FLRT1: variants seen among roughly 807,000 people sequenced by gnomAD.
The protein encoded by FLRT1 is leucine-rich repeat transmembrane protein FLRT1.
Under a neutral mutation model 30.9 loss-of-function variants are expected in FLRT1, and 14 were observed. The observed-to-expected ratio is 0.45, with a 90% CI of 0.30 to 0.71. The LOEUF is 0.71. FLRT1 is among the 30% of genes least tolerant of loss of function. FLRT1 has a pLI of 0.08. For missense variants in FLRT1, 737 were observed against 949.2 expected, an observed-to-expected ratio of 0.78 and a Z score of 2.94; for synonymous variants, 368 against 430.4, an observed-to-expected ratio of 0.85 and a Z score of 1.80.
intron 1 of FLRT1, among the ~76,000 whole-genome samples, chr11:64,102,960 C>T (rs1273470120): frequency 6.6e-6 from 1 of 151,966 alleles, no homozygotes; most frequent in Non-Finnish European, 1.5e-5. Context: ...AGTCCTAGCT[C>T]CTTGGGAGGC....
At chr11:64,092,480 G>A (rs1158842411) in intron 1 of FLRT1, among the ~76,000 whole-genome samples, 1 of 152,232 alleles carries the variant, frequency 6.6e-6, no homozygotes, top group African/African-American at 2.4e-5. Context: ...GAGGTTGGGT[G>A]TGGCCAGAGG....
chr11:64,113,087 C>T (rs1023464975), intron 2 of FLRT1, among the ~76,000 whole-genome samples: 10 of 152,246 alleles, frequency 6.6e-5, no homozygotes, highest in Admixed American at 3.9e-4. Context: ...TTCTGGCCTC[C>T]TCCCTAGATG....
intron 1 of FLRT1, among the ~76,000 whole-genome samples, chr11:64,038,562 G>C (rs896680418): frequency 3.3e-5 from 5 of 152,224 alleles, no homozygotes; most frequent in Non-Finnish European, 5.9e-5. Flanking sequence ...TGCAGGGGGA[G>C]GATGAGGCCT....
intron 1 of FLRT1, among the ~76,000 whole-genome samples, chr11:64,071,994 C>T (rs1482572495): frequency 1.3e-5 from 2 of 152,192 alleles, no homozygotes; most frequent in Non-Finnish European, 2.9e-5. Flanking sequence ...GCTCCTGAGC[C>T]GCTCCAGCAG....
intron 1 of FLRT1, among the ~76,000 whole-genome samples, chr11:64,040,425 G>C (rs899343691): frequency 6.6e-6 from 1 of 152,154 alleles, no homozygotes; most frequent in Admixed American, 6.5e-5. Flanking sequence ...CAAGGCACCC[G>C]GCCAGGGCTG....
In FLRT1 at chr11:64,096,336, C is replaced by T. The variant is rs371564921; in HGVS notation, c.-1037-6858C>T. On this transcript the variant is annotated intron_variant, in intron 1 of 2. Transcript: ENST00000682287. The surrounding 1 kb of genome is among the most constrained non-coding windows in gnomAD (Gnocchi z 4.6). ...CCCCGAGCTTCCTCTAGGCTGGACA[C>T]GGTCCCTAATGGGCACGGGCGACGC... Among the ~76,000 whole-genome samples, 4 of 152,288 alleles carry T rather than the reference C, an allele frequency of 2.6e-5. No individual in the cohort carries two copies. In the East Asian group the frequency reaches 5.8e-4, roughly 22 times the overall value.
intron 1 of FLRT1, among the ~76,000 whole-genome samples, chr11:64,102,195 A>G (rs761751253): frequency 6.6e-6 from 1 of 152,178 alleles, no homozygotes; most frequent in Non-Finnish European, 1.5e-5. Flanking sequence ...TTTTCCAAAG[A>G]GGGGTTCCTG....
At chr11:64,087,767 C>G (rs754659781) in intron 1 of FLRT1, among the ~76,000 whole-genome samples, 3 of 152,246 alleles carry the variant, frequency 2.0e-5, no homozygotes, top group Non-Finnish European at 2.9e-5. Flanking sequence ...ACGCTGTGCA[C>G]GTCTGAATGA....
intron 2 of FLRT1, among the ~76,000 whole-genome samples, chr11:64,114,548 C>A (rs1399447373): frequency 2.2e-5 from 3 of 136,012 alleles, no homozygotes; most frequent in Non-Finnish European, 3.1e-5. Context: ...TGGATTGATG[C>A]ATGGATGGAT....
chr11:64,041,344 C>T (rs1036777683), intron 1 of FLRT1, among the ~76,000 whole-genome samples: 3 of 152,090 alleles, frequency 2.0e-5, no homozygotes. Flanking sequence ...GCCCCCCACC[C>T]CTCCACCCCC....
intron 1 of FLRT1, among the ~76,000 whole-genome samples, chr11:64,066,044 C>T (rs1257939417): frequency 2.0e-5 from 3 of 151,958 alleles, no homozygotes; most frequent in African/African-American, 7.2e-5. Flanking sequence ...GCCTGTAATC[C>T]CAACACTTTG....
intron 2 of FLRT1, among the ~76,000 whole-genome samples, chr11:64,114,576 G>A (rs931361388): frequency 1.6e-5 from 2 of 124,400 alleles, no homozygotes; most frequent in African/African-American, 5.3e-5. Flanking sequence ...TGGATGGACA[G>A]GTAGATGCAT....
chr11:64,106,587 G>A (rs969424321), intron 2 of FLRT1, among the ~76,000 whole-genome samples: 2 of 152,120 alleles, frequency 1.3e-5, no homozygotes, highest in Admixed American at 1.3e-4. Flanking sequence ...CTCAGCCCCT[G>A]AGAGGCCCTG....
intron 1 of FLRT1, among the ~76,000 whole-genome samples, chr11:64,097,593 C>T (rs1002976461): frequency 1.3e-5 from 2 of 152,246 alleles, no homozygotes; most frequent in Non-Finnish European, 2.9e-5. Flanking sequence ...TCGCAAATAC[C>T]CTGAAAGTCT....
intron 1 of FLRT1, among the ~76,000 whole-genome samples, chr11:64,040,678 G>C (rs1317768366): frequency 6.6e-6 from 1 of 152,222 alleles, no homozygotes; most frequent in Admixed American, 6.5e-5. Context: ...TGACGGGGGC[G>C]GTAGCCCTGG....
intron 1 of FLRT1, among the ~76,000 whole-genome samples, chr11:64,053,519 G>A (rs1943730912): frequency 6.6e-6 from 1 of 152,142 alleles, no homozygotes; most frequent in Admixed American, 6.5e-5. Context: ...GGTTGGGGAG[G>A]CAAGGCTGGT....
rs979773883 is a variant in FLRT1, at chr11:64,091,326, C to T, written c.-1037-11868C>T. On this transcript the variant is annotated intron_variant, in intron 1 of 2. Transcript: ENST00000682287. The stretch of plus-strand genomic sequence containing the variant: ...TCACGTAGCTGATTTCATCACGTTT[C>T]ATTTTCTGTCAAGTTTCCTGCCGTT... 2.3e-4 allele frequency among the ~76,000 whole-genome samples: 35 copies of T among 152,208 alleles called. 1 individual carries two copies. Among genetic ancestry groups the T allele is most frequent in the Non-Finnish European group, 2.5e-4 (17 of 67,990 alleles).
chr11:64,046,952 C>CT (rs761646602), intron 1 of FLRT1, among the ~76,000 whole-genome samples: 9 of 152,228 alleles, frequency 5.9e-5, no homozygotes, highest in Non-Finnish European at 7.3e-5. Context: ...ATCAGTGGCT[C>CT]TCTAGTTCCT....
At chr11:64,115,884 C>A (rs1944969127) in intron 2 of FLRT1, among the ~76,000 whole-genome samples, 1 of 152,230 alleles carries the variant, frequency 6.6e-6, no homozygotes, top group South Asian at 2.1e-4. Flanking sequence ...AGAAACCAAG[C>A]CTGCTGCATG....
Sources: allele counts gnomAD v4.1 joint callset (sites outside exome capture counted in the v4.1 genomes callset), GRCh38; gene constraint gnomAD v4.1.1; non-coding constraint Gnocchi (gnomAD v3.1); transcripts MANE v1.5; gene names NCBI Gene and HGNC (gene_info 2026-07-23, HGNC 2026-07-21).